ERC2: variants seen among roughly 807,000 people sequenced by gnomAD.
The protein encoded by ERC2 is ERC protein 2.
A neutral mutation model predicts 114.8 loss-of-function variants in ERC2; 42 were observed. That is an observed-to-expected ratio of 0.37 (90% CI 0.29 to 0.47). ERC2 has a LOEUF of 0.47. ERC2 is among the 20% of genes least tolerant of loss of function. The pLI is 0.99. For synonymous variants in ERC2, 454 were observed against 425.5 expected (o/e 1.07, Z -0.82); for missense variants, 939 against 1,150.7 (o/e 0.82, Z 2.66).
chr3:56,201,863 T>C (rs1168332368), intron 3 of ERC2, among the ~76,000 whole-genome samples: 1 of 152,264 alleles, frequency 6.6e-6, no homozygotes, highest in East Asian at 1.9e-4. Context: ...CATCTTACTA[T>C]GTTTCCAGCG....
At chr3:55,752,414 G>A (rs2148970499) in intron 14 of ERC2, among the ~76,000 whole-genome samples, 1 of 152,304 alleles carries the variant, frequency 6.6e-6, no homozygotes, top group African/African-American at 2.4e-5. Flanking sequence ...GATGGAAATT[G>A]GCAATCACTA....
chr3:55,705,408 G>A (rs1032430101), intron 15 of ERC2, among the ~76,000 whole-genome samples: 2 of 152,298 alleles, frequency 1.3e-5, no homozygotes, highest in South Asian at 2.1e-4. Flanking sequence ...GTGTGTATGT[G>A]TGCGGGCTTC....
chr3:55,945,841 G>A (rs746028183), intron 13 of ERC2, among the ~76,000 whole-genome samples: 27 of 152,106 alleles, frequency 1.8e-4, no homozygotes, highest in Non-Finnish European at 3.2e-4. Flanking sequence ...ATTTGGAAAC[G>A]GAAGCACACA....
At chr3:56,169,849 A>T (rs1427926955) in intron 4 of ERC2, among the ~76,000 whole-genome samples, 2 of 152,150 alleles carry the variant, frequency 1.3e-5, no homozygotes, top group African/African-American at 4.8e-5. Flanking sequence ...ATGACCCAAG[A>T]AAGTAAAACT....
chr3:55,858,053 T>C (rs1326276472), intron 14 of ERC2, among the ~76,000 whole-genome samples: 1 of 152,210 alleles, frequency 6.6e-6, no homozygotes, highest in African/African-American at 2.4e-5. Flanking sequence ...CAGTAATTTT[T>C]TTCTCCTGAA....
chr3:56,384,431 C>T (rs572817995), intron 2 of ERC2, among the ~76,000 whole-genome samples: 57 of 152,066 alleles, frequency 3.7e-4, no homozygotes, highest in Non-Finnish European at 7.1e-4. Context: ...GGTTTTGATT[C>T]GCATTTTTCT....
At chr3:55,707,160 G>A (rs576440080) in intron 15 of ERC2, among the ~76,000 whole-genome samples, 18 of 152,276 alleles carry the variant, frequency 1.2e-4, no homozygotes, top group African/African-American at 4.1e-4. Context: ...GTGGCCAGGC[G>A]CAGTGGCTCA....
chr3:56,210,663 G>A (rs545024090), intron 3 of ERC2, among the ~76,000 whole-genome samples: 1 of 152,262 alleles, frequency 6.6e-6, no homozygotes, highest in Non-Finnish European at 1.5e-5. Flanking sequence ...GGCCTTTTCA[G>A]TAAGTGTTAT....
At chr3:55,689,024 C>T (rs1317729117) in intron 16 of ERC2, among the ~76,000 whole-genome samples, 3 of 152,130 alleles carry the variant, frequency 2.0e-5, no homozygotes, top group African/African-American at 7.2e-5. Context: ...AGGGGGATCA[C>T]AGTAGGAGAT....
chr3:55,983,583 G>C (rs2070334205), intron 12 of ERC2, among the ~76,000 whole-genome samples: 1 of 152,144 alleles, frequency 6.6e-6, no homozygotes, highest in African/African-American at 2.4e-5. Context: ...AGTTTGAAGA[G>C]GAAATGAAGT....
At chr3:56,058,697 T>C (rs2076116186) in intron 7 of ERC2, among the ~76,000 whole-genome samples, 1 of 152,176 alleles carries the variant, frequency 6.6e-6, no homozygotes, top group Admixed American at 6.5e-5. Context: ...GCCTTCAGGC[T>C]TCATCTGCAA....
At chr3:55,700,367 G>A (rs2148825690) in intron 15 of ERC2, among the ~76,000 whole-genome samples, 1 of 152,334 alleles carries the variant, frequency 6.6e-6, no homozygotes, top group African/African-American at 2.4e-5. Context: ...GGACAGACCT[G>A]CCTGGATTCA....
At chr3:56,061,063 G>C (rs1337002171) in intron 7 of ERC2, among the ~76,000 whole-genome samples, 1 of 152,168 alleles carries the variant, frequency 6.6e-6, no homozygotes, top group Non-Finnish European at 1.5e-5. Context: ...AGGAATTCAA[G>C]TTGCTTGTTG....
intron 17 of ERC2, among the ~76,000 whole-genome samples, chr3:55,650,353 T>C (rs926431203): frequency 7.2e-5 from 11 of 152,186 alleles, no homozygotes; most frequent in Non-Finnish European, 1.3e-4. Context: ...TCCAATTTCA[T>C]CTACCATCTC....
Position 56,113,863 on chromosome 3 carries a change from G to A in ERC2, c.1473+25646C>T, listed in dbSNP as rs115669342. On this transcript the variant is annotated intron_variant, in intron 6 of 17. Transcript: ENST00000288221. ...TAAGTTTTGGAAATTTGCTAGAATC[G>A]CTCACATAGCTCAGGGAAACATATC... Among the ~76,000 whole-genome samples, 578 of 152,260 alleles carry A rather than the reference G, an allele frequency of 3.8e-3. 2 individuals carry two copies. Among genetic ancestry groups the A allele is most frequent in the Middle Eastern group, 0.02 (6 of 294 alleles).
chr3:55,755,057 A>G (rs901829247), intron 14 of ERC2, among the ~76,000 whole-genome samples: 6 of 151,748 alleles, frequency 4.0e-5, no homozygotes, highest in African/African-American at 1.2e-4. Context: ...AAATGCTCAC[A>G]GTCCTAGTGA....
At chr3:55,571,306 G>C (rs1293239656) in intron 17 of ERC2, among the ~76,000 whole-genome samples, 3 of 152,052 alleles carry the variant, frequency 2.0e-5, no homozygotes, top group Non-Finnish European at 4.4e-5. Flanking sequence ...GGACCTGAAG[G>C]ACACTGCCTC....
At chr3:55,673,213 T>TAGCCCTGCA (rs777254476) in intron 17 of ERC2, among the ~76,000 whole-genome samples, 9 of 152,296 alleles carry the variant, frequency 5.9e-5, no homozygotes, top group Non-Finnish European at 1.2e-4. Flanking sequence ...GAAACACTGT[T>TAGCCCTGCA]AGCCCTGCAA....
At chr3:55,641,275 C>T (rs762547135) in intron 17 of ERC2, among the ~76,000 whole-genome samples, 2 of 152,148 alleles carry the variant, frequency 1.3e-5, no homozygotes, top group Non-Finnish European at 2.9e-5. Context: ...ATAGGCCAGG[C>T]ATGGTGGCTC....
Sources: gnomAD v4.1 joint callset for allele counts (sites outside exome capture counted in the v4.1 genomes callset) on GRCh38, gnomAD v4.1.1 for gene constraint, MANE v1.5 for transcripts, NCBI Gene and HGNC (gene_info 2026-07-23, HGNC 2026-07-21) for gene names.